KLHL5: variants seen among roughly 807,000 people sequenced by gnomAD.
The protein encoded by KLHL5 is kelch-like protein 5.
A neutral mutation model predicts 77.7 loss-of-function variants in KLHL5; 48 were observed. The ratio of observed to expected loss-of-function variants is 0.62; its 90% CI spans 0.49 to 0.79. The LOEUF (loss-of-function observed/expected upper bound fraction) is 0.79, where lower values mean the gene tolerates loss of function less well. Among genes scored for constraint, KLHL5 ranks in the 30% least tolerant of loss-of-function variants. The pLI is 0.00. For missense variants in KLHL5, 723 were observed against 859.7 expected, an observed-to-expected ratio of 0.84 and a Z score of 1.99; for synonymous variants, 260 against 297.0, an observed-to-expected ratio of 0.88 and a Z score of 1.28.
the KLHL5 span, among the ~76,000 whole-genome samples, chr4:39,140,294 T>C: frequency 6.6e-6 from 1 of 152,214 alleles, no homozygotes; most frequent in Admixed American, 6.5e-5. Flanking sequence ...ATCCTTTCGC[T>C]ATAAAGGACA....
chr4:39,078,334 C>G (rs541463184), intron 2 of KLHL5, among the ~76,000 whole-genome samples: 1 of 151,672 alleles, frequency 6.6e-6, no homozygotes, highest in Non-Finnish European at 1.5e-5. Context: ...TGCAGTGAAC[C>G]GAGATCACGC....
chr4:39,127,177 A>C (rs1723588105), downstream of KLHL5, among the ~76,000 whole-genome samples: 1 of 151,948 alleles, frequency 6.6e-6, no homozygotes. Context: ...TCTGTACTAA[A>C]AATACTAAAA....
intron 10 of KLHL5, chr4:39,115,891 A>T: frequency 2.0e-6 from 2 of 990,380 alleles, no homozygotes; most frequent in Non-Finnish European, 2.4e-6. Context: ...ATCTTTTGAG[A>T]TCTTTGCTTC....
chr4:39,100,947 A>G (rs916463922), intron 6 of KLHL5, among the ~76,000 whole-genome samples: 1 of 151,930 alleles, frequency 6.6e-6, no homozygotes, highest in Non-Finnish European at 1.5e-5. Flanking sequence ...ATATCTGTTT[A>G]GTATAGGGCC....
chr4:39,079,546 A>G (rs1719415836), intron 2 of KLHL5, among the ~76,000 whole-genome samples: 1 of 152,124 alleles, frequency 6.6e-6, no homozygotes, highest in Non-Finnish European at 1.5e-5. Context: ...ACCAAATCCT[A>G]AACCTCCTTC....
chr4:39,069,178 C>T (rs1046668100), intron 1 of KLHL5, among the ~76,000 whole-genome samples: 3 of 152,014 alleles, frequency 2.0e-5, no homozygotes, highest in Non-Finnish European at 2.9e-5. Flanking sequence ...ATTAAGCAAG[C>T]GACACAAGTT....
chr4:39,135,799 G>A, the KLHL5 span, among the ~76,000 whole-genome samples: 33 of 152,248 alleles, frequency 2.2e-4, no homozygotes, highest in South Asian at 6.6e-3. Context: ...AGCTACTTGG[G>A]AGGCTGAGGC....
At chr4:39,052,957 C>T (rs1186581364) in intron 1 of KLHL5, among the ~76,000 whole-genome samples, 1 of 152,166 alleles carries the variant, frequency 6.6e-6, no homozygotes, top group African/African-American at 2.4e-5. Context: ...GACTGATCTC[C>T]ACTAATCTCC....
chr4:39,090,891 C>T (rs1028691872), intron 5 of KLHL5, among the ~76,000 whole-genome samples: 1 of 152,044 alleles, frequency 6.6e-6, no homozygotes, highest in African/African-American at 2.4e-5. Flanking sequence ...CAGCCTCAAC[C>T]TCCTAGGCCC....
chr4:39,073,473 A>G lies in KLHL5; in HGVS notation c.384-2492A>G, dbSNP rs1363921418. Among the ~76,000 whole-genome samples, 3 of 152,198 alleles carry G rather than the reference A, an allele frequency of 2.0e-5. No homozygotes were observed. In the East Asian group the frequency reaches 5.8e-4, roughly 29 times the overall value. ...ATGTGATACAAAATATAGGAGTCTT[A>G]AGAAAGACGTACTTGATTTATTTAC... On this transcript the variant is annotated intron_variant, in intron 1 of 10. Coordinates refer to ENST00000504108, the MANE Select transcript of KLHL5 (RefSeq NM_015990.5).
intron 7 of KLHL5, among the ~76,000 whole-genome samples, chr4:39,104,963 C>T (rs1370985409): frequency 1.3e-5 from 2 of 152,046 alleles, no homozygotes; most frequent in South Asian, 2.1e-4. Flanking sequence ...ACACGTTTCA[C>T]CATGTTGTCC....
At chr4:39,051,154 C>T (rs1447341696) in intron 1 of KLHL5, among the ~76,000 whole-genome samples, 1 of 152,178 alleles carries the variant, frequency 6.6e-6, no homozygotes, top group East Asian at 1.9e-4. Flanking sequence ...TATCATATCT[C>T]TTCACCAATT....
At chr4:39,117,750 T>C (rs1238192821) in intron 10 of KLHL5, among the ~76,000 whole-genome samples, 1 of 152,010 alleles carries the variant, frequency 6.6e-6, no homozygotes, top group Non-Finnish European at 1.5e-5. Context: ...GAAAATCTGA[T>C]AGAAGCAGAA....
chr4:39,091,852 T>TTG (rs1720603807), intron 5 of KLHL5, among the ~76,000 whole-genome samples: 1 of 142,436 alleles, frequency 7.0e-6, no homozygotes, highest in Non-Finnish European at 1.5e-5. Context: ...GTTTTTTTTT[T>TTG]TTTTTTTTTT....
chr4:39,103,369 C>T lies in KLHL5; in HGVS notation c.1383C>T (p.Phe461=), dbSNP rs200140121. Residue 461 remains phenylalanine (F), a synonymous_variant, in exon 7 of 11, where the codon TTC becomes TTT. Transcript: ENST00000504108. ...ATATGAATGGGAGGAGGCTACAGTTCGGTGTTGCAGTGCTAGATGACAAAC... is the reference window on the plus strand; with the variant it reads ...ATATGAATGGGAGGAGGCTACAGTTTGGTGTTGCAGTGCTAGATGACAAAC... The part of the protein sequence containing the change: ...VANMNGRRLQ[F]GVAVLDDKLY... 170 of 1,613,900 alleles carry T rather than the reference C, an allele frequency of 1.1e-4. No homozygotes were observed. Among genetic ancestry groups the T allele is most frequent in the Non-Finnish European group, 1.3e-4 (159 of 1,179,984 alleles).
At chr4:39,111,304 G>T (rs1386024329) in intron 8 of KLHL5, among the ~76,000 whole-genome samples, 1 of 152,218 alleles carries the variant, frequency 6.6e-6, no homozygotes, top group Non-Finnish European at 1.5e-5. Flanking sequence ...ATTTATAGAT[G>T]ATGAAATTCA....
At chr4:39,136,094 C>A in the KLHL5 span, among the ~76,000 whole-genome samples, 43 of 150,556 alleles carry the variant, frequency 2.9e-4, no homozygotes, top group African/African-American at 9.8e-4. Flanking sequence ...GAAAAAAAAT[C>A]TACTCAAAAC....
Position 39,062,239 on chromosome 4 carries a change from C to A in KLHL5, c.-414C>A, listed in dbSNP as rs914360161. On this transcript the variant is annotated 5_prime_UTR_variant, in exon 1 of 11. Coordinates refer to ENST00000504108, the MANE Select transcript of KLHL5 (RefSeq NM_015990.5). ...AGCAGCAGAGACTGAGATACTGCAA[C>A]GGGGATAGTGTTTTCTGTCTCTGTC... The A allele has an allele frequency of 8.9e-6, 11 of 1,239,484 alleles. No homozygotes were observed. The highest frequency in any genetic ancestry group is 1.5e-5 in the African/African-American group (1 of 64,882). The allele number at this position is 1,239,484 out of a possible 1,614,324, so 76.8% of individuals were successfully genotyped here.
rs772944095 is a variant in KLHL5, at chr4:39,086,775, T to G, written c.1113+48T>G. On this transcript the variant is annotated intron_variant, in intron 5 of 10. Transcript: ENST00000504108. ...TAGGAATTTTTCTTTGCCTATTCTATCAAAGAAAATAATTGTACATGTATT... is the reference window on the plus strand; with the variant it reads ...TAGGAATTTTTCTTTGCCTATTCTAGCAAAGAAAATAATTGTACATGTATT... 3.4e-5 allele frequency: 47 copies of G among 1,364,990 alleles called. No homozygotes were observed. The South Asian group carries it at 4.0e-4, about 12-fold the overall frequency. The allele number at this position is 1,364,990 out of a possible 1,614,324, so 84.6% of individuals were successfully genotyped here. A position where few individuals can be genotyped will look rare whatever the true frequency, so the allele number is the denominator to read the frequency against.
Sources: gnomAD v4.1 joint callset for allele counts (sites outside exome capture counted in the v4.1 genomes callset) on GRCh38, gnomAD v4.1.1 for gene constraint, MANE v1.5 for transcripts, NCBI Gene and HGNC (gene_info 2026-07-23, HGNC 2026-07-21) for gene names.